LEPROTL1: variants seen among roughly 807,000 people sequenced by gnomAD.
The protein encoded by LEPROTL1 is leptin receptor overlapping transcript like 1, also known as leptin receptor overlapping transcript-like 1.
A neutral mutation model predicts 15.4 loss-of-function variants in LEPROTL1; 6 were observed. The observed-to-expected ratio is 0.39, with a 90% CI of 0.21 to 0.77. LEPROTL1 has a LOEUF of 0.77. LEPROTL1 is among the 30% of genes least tolerant of loss of function. The probability of loss-of-function intolerance (pLI) is 0.41; values close to 1 mark genes in which losing one functional copy is unlikely to be tolerated. For missense variants in LEPROTL1, 128 were observed against 158.1 expected (o/e 0.81, Z 1.02); for synonymous variants, 56 against 52.6 (o/e 1.06, Z -0.28).
downstream of LEPROTL1, among the ~76,000 whole-genome samples, chr8:30,112,658 C>T (rs368847230): frequency 5.9e-4 from 89 of 152,026 alleles, 2 homozygotes; most frequent in South Asian, 0.017. Flanking sequence ...CACCCAACTT[C>T]TAGCTCTTCT....
chr8:30,133,993 A>C (rs920186223), intron 4 of LEPROTL1, among the ~76,000 whole-genome samples: 3 of 152,180 alleles, frequency 2.0e-5, no homozygotes, highest in African/African-American at 7.2e-5. Flanking sequence ...CCTATACAAA[A>C]AAATACTTTT....
Position 30,106,110 on chromosome 8 carries a change from C to T in LEPROTL1, c.*248C>T. On this transcript the variant is annotated 3_prime_UTR_variant, in exon 4 of 4. Transcript: ENST00000321250. ...ATCTATAGTATGCTTTTTGTGGTGT[C>T]CTGCTGAATTTAAATATTTATGTGT... 1 of 1,030,778 alleles carries T rather than the reference C, an allele frequency of 9.7e-7. No individual in the cohort carries two copies. The highest frequency in any genetic ancestry group is 1.2e-6 in the Non-Finnish European group (1 of 859,196). The allele number at this position is 1,030,778 out of a possible 1,614,324, so 63.9% of individuals were successfully genotyped here.
intron 1 of LEPROTL1, among the ~76,000 whole-genome samples, chr8:30,097,599 G>C (rs1262230318): frequency 1.3e-5 from 2 of 150,622 alleles, no homozygotes; most frequent in Non-Finnish European, 3.0e-5. Context: ...TTGAACCCGG[G>C]AGGCAGAGGT....
chr8:30,124,454 A>G (rs1175513456), intron 3 of LEPROTL1, among the ~76,000 whole-genome samples: 1 of 152,228 alleles, frequency 6.6e-6, no homozygotes, highest in Non-Finnish European at 1.5e-5. Context: ...AACTCAGATT[A>G]TTTTAAAGCA....
downstream of LEPROTL1, chr8:30,108,643 A>G (rs1426524893): frequency 1.4e-5 from 2 of 143,250 alleles, no homozygotes; most frequent in Non-Finnish European, 3.1e-5. Context: ...GTCAATACAG[A>G]TTTTTTTTTT....
In LEPROTL1 at chr8:30,104,442, G is replaced by A. The variant is rs1404539361; in HGVS notation, c.235G>A (p.Val79Met). 9 of 1,611,878 alleles carry A rather than the reference G, an allele frequency of 5.6e-6. No individual in the cohort carries two copies. The highest frequency in any genetic ancestry group is 1.7e-4 in the Middle Eastern group (1 of 6,058). Reference sequence around the variant, plus strand: ...CATCTTTCTTACAACGGGCATTGTCGTGTCAGCTTTTGGACTCCCTATTGT... The same window carrying A: ...CATCTTTCTTACAACGGGCATTGTCATGTCAGCTTTTGGACTCCCTATTGT... ...LAIFLTTGIV[V>M]SAFGLPIVFA... is the part of the protein sequence containing the mutation. Residue 79 changes from valine (V) to methionine (M), a missense_variant, in exon 3 of 4, where the codon GTG (valine) becomes ATG (methionine). Coordinates refer to ENST00000321250, the MANE Select transcript of LEPROTL1 (RefSeq NM_015344.3).
intron 4 of LEPROTL1, chr8:30,132,595 T>A (rs989392544): frequency 3.9e-6 from 6 of 1,551,760 alleles, no homozygotes. Context: ...CACTGCCACG[T>A]TTAGGCATTC....
intron 2 of LEPROTL1, among the ~76,000 whole-genome samples, chr8:30,102,873 TTTTGTGCTG>T (rs1480268997): frequency 2.0e-5 from 3 of 152,124 alleles, no homozygotes; most frequent in African/African-American, 7.2e-5. Context: ...GCAGGGACTC[TTTTGTGCTG>T]TGGGGGGAGT....
intron 3 of LEPROTL1, among the ~76,000 whole-genome samples, chr8:30,128,279 A>G (rs1432443275): frequency 6.6e-6 from 1 of 152,226 alleles, no homozygotes; most frequent in Non-Finnish European, 1.5e-5. Context: ...AAATAGAAAA[A>G]GAAGGAAGCA....
rs1180916207 is a variant in LEPROTL1 at position 30,108,473 on chromosome 8, A to T, written c.*2611A>T. 2 of 152,176 alleles carry T rather than the reference A, an allele frequency of 1.3e-5. No homozygotes were observed. Among genetic ancestry groups the T allele is most frequent in the East Asian group, 3.8e-4 (2 of 5,202 alleles). 9.4% of individuals were successfully genotyped at this position (152,176 alleles called of 1,614,324 possible). ...TTTTTGCAAACATTTTAAACAAAAA[A>T]TATTTCTGTTTGGTACACTGTGAAG... On this transcript the variant is annotated 3_prime_UTR_variant, in exon 4 of 4. Coordinates refer to ENST00000321250, the MANE Select transcript of LEPROTL1 (RefSeq NM_015344.3).
chr8:30,121,086 TTGA>T (rs1444055071), intron 3 of LEPROTL1, among the ~76,000 whole-genome samples: 1 of 152,154 alleles, frequency 6.6e-6, no homozygotes, highest in Admixed American at 6.6e-5. Flanking sequence ...CTGGGACTGG[TTGA>T]TAAGCTGTAT....
downstream of LEPROTL1, among the ~76,000 whole-genome samples, chr8:30,109,393 A>G (rs1439976924): frequency 1.3e-5 from 2 of 152,224 alleles, no homozygotes; most frequent in Admixed American, 1.3e-4. Context: ...TCCTGTAGGT[A>G]AATATTTTAG....
At chr8:30,115,246 A>T (rs1442568235) in intron 3 of LEPROTL1, among the ~76,000 whole-genome samples, 3 of 151,418 alleles carry the variant, frequency 2.0e-5, no homozygotes, top group African/African-American at 7.3e-5. Context: ...GGTCCCATCT[A>T]CTCCAGAGGC....
chr8:30,111,780 C>T (rs1484166927), downstream of LEPROTL1, among the ~76,000 whole-genome samples: 4 of 152,122 alleles, frequency 2.6e-5, no homozygotes, highest in Non-Finnish European at 5.9e-5. Context: ...TTCTGTTGCT[C>T]TGGTGGGTCT....
intron 3 of LEPROTL1, among the ~76,000 whole-genome samples, chr8:30,119,760 C>T (rs531868532): frequency 6.6e-6 from 1 of 152,154 alleles, no homozygotes; most frequent in Admixed American, 6.6e-5. Flanking sequence ...AGAGTTTTTT[C>T]GTGATTTTTT....
intron 3 of LEPROTL1, among the ~76,000 whole-genome samples, chr8:30,124,022 C>T (rs942151788): frequency 3.3e-5 from 5 of 150,942 alleles, no homozygotes; most frequent in African/African-American, 1.2e-4. Context: ...GCCATTGTAC[C>T]TGGAGTGCAG....
chr8:30,127,966 G>A (rs1802933092), intron 3 of LEPROTL1, among the ~76,000 whole-genome samples: 1 of 152,128 alleles, frequency 6.6e-6, no homozygotes, highest in African/African-American at 2.4e-5. Context: ...AGTCTTGGAA[G>A]TAATAGAGTG....
intron 1 of LEPROTL1, among the ~76,000 whole-genome samples, chr8:30,100,604 C>T (rs1173518637): frequency 6.6e-6 from 1 of 152,152 alleles, no homozygotes; most frequent in African/African-American, 2.4e-5. Context: ...CATGTGCCAC[C>T]ACACCCAGCT....
At chr8:30,117,379 C>T (rs927550463) in intron 3 of LEPROTL1, 11 of 1,207,698 alleles carry the variant, frequency 9.1e-6, no homozygotes, top group Non-Finnish European at 1.3e-5. Flanking sequence ...TGCTGCATTA[C>T]ATCCCTAGAA....
Sources: allele counts gnomAD v4.1 joint callset (sites outside exome capture counted in the v4.1 genomes callset), GRCh38; gene constraint gnomAD v4.1.1; transcripts MANE v1.5; gene names NCBI Gene and HGNC (gene_info 2026-07-23, HGNC 2026-07-21).